ETFBKMT: variants seen among roughly 807,000 people sequenced by gnomAD.
ETFBKMT encodes the protein electron transfer flavoprotein beta subunit lysine methyltransferase.
ETFBKMT carries 13 observed loss-of-function variants against 18.3 expected under a neutral mutation model. That is an observed-to-expected ratio of 0.71 (90% CI 0.46 to 1.13). The LOEUF (loss-of-function observed/expected upper bound fraction) is 1.13, where lower values mean the gene tolerates loss of function less well. Ranked by LOEUF, ETFBKMT falls within the 50% of genes most tolerant of loss-of-function variation. The probability of loss-of-function intolerance (pLI) is 0.00; values close to 1 mark genes in which losing one functional copy is unlikely to be tolerated. For synonymous variants in ETFBKMT, 84 were observed against 107.9 expected (o/e 0.78, Z 1.37); for missense variants, 293 against 306.2 (o/e 0.96, Z 0.32).
chr12:31,649,304 A>T (rs533752178), intron 1 of ETFBKMT, among the ~76,000 whole-genome samples: 3 of 152,390 alleles, frequency 2.0e-5, no homozygotes, highest in African/African-American at 7.2e-5. Flanking sequence ...ACCTACAGAT[A>T]CAGAGGTCTG....
rs140637962 is a variant in ETFBKMT, at chr12:31,651,033, C to G, written c.-114+3778C>G. 5.4e-3 allele frequency among the ~76,000 whole-genome samples: 823 copies of G among 152,198 alleles called. 5 individuals are homozygous for G. The highest frequency in any genetic ancestry group is 0.017 in the South Asian group (82 of 4,816). Reference sequence around the variant, plus strand: ...CCCTCAAACCCAGGGCTTATATACCCCAGGAGAGGAGTGATTCAGAAGGGA... The same window carrying G: ...CCCTCAAACCCAGGGCTTATATACCGCAGGAGAGGAGTGATTCAGAAGGGA... On this transcript the variant is annotated intron_variant, in intron 1 of 3. Transcript: ENST00000412352.
Position 31,670,172 on chromosome 12 carries a change from C to T in ETFBKMT, c.*2182C>T, listed in dbSNP as rs1458395982. 6.6e-6 allele frequency: 1 copy of T among 152,146 alleles called. No individual in the cohort carries two copies. The highest frequency in any genetic ancestry group is 2.4e-5 in the African/African-American group (1 of 41,396). The allele number at this position is 152,146 out of a possible 1,614,324, so 9.4% of individuals were successfully genotyped here. A position where few individuals can be genotyped will look rare whatever the true frequency, so the allele number is the denominator to read the frequency against. ...AGGCTGGAGCTTTTGATTCTTAAGT[C>T]CATCCACATGGAGCCTCCAGCAACT... On this transcript the variant is annotated 3_prime_UTR_variant, in exon 4 of 4. Coordinates refer to ENST00000357721, the MANE Select transcript of ETFBKMT (RefSeq NM_001135863.2).
In ETFBKMT at chr12:31,671,781, C is replaced by T. The variant is rs1002749707; in HGVS notation, c.*3791C>T. ...CACTTCATTTCGGTGAAACAAATAC[C>T]TAAATTCTTTGAAGAATTAACAGGC... On this transcript the variant is annotated 3_prime_UTR_variant, in exon 4 of 4. Coordinates refer to ENST00000357721, the MANE Select transcript of ETFBKMT (RefSeq NM_001135863.2). 6.6e-6 allele frequency: 1 copy of T among 152,402 alleles called. No homozygotes were observed. Among genetic ancestry groups the T allele is most frequent in the African/African-American group, 2.4e-5 (1 of 41,422 alleles). 9.4% of individuals were successfully genotyped at this position (152,402 alleles called of 1,614,324 possible).
intron 1 of ETFBKMT, among the ~76,000 whole-genome samples, chr12:31,653,212 A>C (rs1413116088): frequency 1.3e-5 from 2 of 151,990 alleles, no homozygotes; most frequent in Admixed American, 6.6e-5. Context: ...CCGTCTCAAA[A>C]AAAAAAAAAA....
Position 31,672,455 on chromosome 12 carries a change from A to G in ETFBKMT, c.*4465A>G. ...GTTTCCTCATGTCTAACTGGAGGTG[A>G]TGTTAATTATTATACAGTTATTTAA... is the stretch of plus-strand genomic sequence containing the variant. On this transcript the variant is annotated 3_prime_UTR_variant, in exon 4 of 4. Coordinates refer to ENST00000357721, the MANE Select transcript of ETFBKMT (RefSeq NM_001135863.2). 1.0e-6 allele frequency: 1 copy of G among 991,248 alleles called. No homozygotes were observed. The highest frequency in any genetic ancestry group is 1.6e-6 in the Non-Finnish European group (1 of 641,002). The allele number at this position is 991,248 out of a possible 1,614,324, so 61.4% of individuals were successfully genotyped here. A position where few individuals can be genotyped will look rare whatever the true frequency, so the allele number is the denominator to read the frequency against.
In ETFBKMT at chr12:31,672,404, T is replaced by G. The variant is rs1419449067; in HGVS notation, c.*4414T>G. 6.8e-7 allele frequency: 1 copy of G among 1,464,388 alleles called. No individual in the cohort carries two copies. The highest frequency in any genetic ancestry group is 1.4e-5 in the African/African-American group (1 of 71,168). The allele number at this position is 1,464,388 out of a possible 1,614,324, so 90.7% of individuals were successfully genotyped here. On this transcript the variant is annotated 3_prime_UTR_variant, in exon 4 of 4. Coordinates refer to ENST00000357721, the MANE Select transcript of ETFBKMT (RefSeq NM_001135863.2). ...TATAAAAGAAAACAATGACAATATA[T>G]TAATTGACAATAAAAAATGTTTAAT... is the stretch of plus-strand genomic sequence containing the variant.
At chr12:31,661,739 G>A (rs544205056) in intron 1 of ETFBKMT, 102 bp from the exon 2 acceptor site, 38 of 510,012 alleles carry the variant, frequency 7.5e-5, no homozygotes, top group African/African-American at 7.1e-4. Flanking sequence ...GATTACAGGC[G>A]TGAGCCACCG....
chr12:31,658,922 G>A (rs1951085095), upstream of ETFBKMT, among the ~76,000 whole-genome samples: 1 of 122,980 alleles, frequency 8.1e-6, no homozygotes, highest in South Asian at 2.8e-4. Flanking sequence ...GGCTTATACT[G>A]TGTCTTTTTT....
In ETFBKMT at chr12:31,666,093, T is replaced by C; in HGVS notation, c.321T>C (p.Leu107=). 1 of 1,611,028 alleles carries C rather than the reference T, an allele frequency of 6.2e-7. No homozygotes were observed. Among genetic ancestry groups the C allele is most frequent in the Non-Finnish European group, 8.5e-7 (1 of 1,178,918 alleles). The part of the protein sequence containing the change: ...WPGGQALSRY[L]LDNPDVVRGK... ...TTTCTCCTTTTTAATTTAGGTATCT[T>C]TTGGATAATCCTGATGTTGTCAGAG... Residue 107 remains leucine, a synonymous_variant, in exon 3 of 4, where the codon CTT becomes CTC. Coordinates refer to ENST00000357721, the MANE Select transcript of ETFBKMT (RefSeq NM_001135863.2).
intron 2 of ETFBKMT, among the ~76,000 whole-genome samples, chr12:31,662,796 C>T (rs1951143593): frequency 6.6e-6 from 1 of 152,164 alleles, no homozygotes; most frequent in Non-Finnish European, 1.5e-5. Flanking sequence ...TTAGGAGGTT[C>T]ATAGTTCATA....
intron 2 of ETFBKMT, among the ~76,000 whole-genome samples, chr12:31,662,836 G>T (rs1393969308): frequency 6.6e-6 from 1 of 152,120 alleles, no homozygotes; most frequent in Non-Finnish European, 1.5e-5. Context: ...TTCCTAGATG[G>T]AAGCTAAACA....
intron 1 of ETFBKMT, among the ~76,000 whole-genome samples, chr12:31,653,817 G>A (rs371491573): frequency 6.6e-6 from 1 of 151,926 alleles, no homozygotes; most frequent in Non-Finnish European, 1.5e-5. Flanking sequence ...GTGTGGTGGC[G>A]GGTGCCTGTA....
chr12:31,662,352 G>A (rs1249322919), intron 2 of ETFBKMT, 85 bp downstream of exon 2: 27 of 1,313,134 alleles, frequency 2.1e-5, no homozygotes, highest in Non-Finnish European at 2.6e-5. Flanking sequence ...CCAGAGCAAT[G>A]CTAGGCGTGG....
rs780187697 is a variant in ETFBKMT at position 31,672,583 on chromosome 12, G to A, written c.*4593G>A. On this transcript the variant is annotated 3_prime_UTR_variant, in exon 4 of 4. Coordinates refer to ENST00000357721, the MANE Select transcript of ETFBKMT (RefSeq NM_001135863.2). ...TATTAGGTGTAGTGCACCTATCATG[G>A]TATTACTTGTTTAAAAAAAAAAAAC... 2 of 412,518 alleles carry A rather than the reference G, an allele frequency of 4.8e-6. No individual in the cohort carries two copies. Among genetic ancestry groups the A allele is most frequent in the South Asian group, 4.4e-5 (1 of 22,918 alleles). The allele number at this position is 412,518 out of a possible 1,614,324, so 25.6% of individuals were successfully genotyped here.
intron 1 of ETFBKMT, among the ~76,000 whole-genome samples, chr12:31,650,909 A>C (rs1001740297): frequency 4.6e-5 from 7 of 152,280 alleles, no homozygotes; most frequent in South Asian, 2.1e-4. Context: ...TGACACATCC[A>C]GTTTCTTAGG....
At position 31,670,417 on chromosome 12, in the gene ETFBKMT, GA is replaced by G. The variant is rs1201645795; in HGVS notation, c.*2431del. The G allele has an allele frequency of 1.3e-5, 2 of 152,080 alleles. No individual in the cohort carries two copies. Among genetic ancestry groups the G allele is most frequent in the African/African-American group, 4.8e-5 (2 of 41,404 alleles). The allele number at this position is 152,080 out of a possible 1,614,324, so 9.4% of individuals were successfully genotyped here. A position where few individuals can be genotyped will look rare whatever the true frequency, so the allele number is the denominator to read the frequency against. On this transcript the variant is annotated 3_prime_UTR_variant, in exon 4 of 4. Coordinates refer to ENST00000357721, the MANE Select transcript of ETFBKMT (RefSeq NM_001135863.2). ...GATGACTTCCAATCTCTTTATATTA[GA>G]AAATATAAATCAGACTAGAGACTGG...
intron 1 of ETFBKMT, among the ~76,000 whole-genome samples, chr12:31,653,688 C>T (rs1330969194): frequency 6.6e-6 from 1 of 152,202 alleles, no homozygotes; most frequent in Non-Finnish European, 1.5e-5. Context: ...TGGCTCAGGC[C>T]TGTAATCCCA....
At chr12:31,655,818 AG>A (rs1462322846), upstream of ETFBKMT, among the ~76,000 whole-genome samples, 1 of 152,162 alleles carries the variant, frequency 6.6e-6, no homozygotes, top group African/African-American at 2.4e-5. Context: ...TCTGTGACTC[AG>A]GGTTTTCCTG....
Position 31,667,140 on chromosome 12 carries a change from A to G in ETFBKMT, c.446-507A>G, listed in dbSNP as rs189610115. Among the ~76,000 whole-genome samples, 465 of 152,082 alleles carry G rather than the reference A, an allele frequency of 3.1e-3. 5 individuals carry two copies. Among genetic ancestry groups the G allele is most frequent in the African/African-American group, 0.01 (432 of 41,504 alleles). On this transcript the variant is annotated intron_variant, in intron 3 of 3. Coordinates refer to ENST00000357721, the MANE Select transcript of ETFBKMT (RefSeq NM_001135863.2). ...CTCCCGAGTAGCTGGGATTACAGGC[A>G]TGCACCACCATGCCCAGCTAATTTT...
Sources: allele counts gnomAD v4.1 joint callset (sites outside exome capture counted in the v4.1 genomes callset), GRCh38; gene constraint gnomAD v4.1.1; transcripts MANE v1.5; gene names NCBI Gene and HGNC (gene_info 2026-07-23, HGNC 2026-07-21).